Variants in SFRP1 observed in about 807,000 individuals in gnomAD.
SFRP1 encodes secreted frizzled-related protein 1.
A neutral mutation model predicts 25.9 loss-of-function variants in SFRP1; 9 were observed. The ratio of observed to expected loss-of-function variants is 0.35; its 90% CI spans 0.21 to 0.61. The LOEUF is 0.61. Ranked by LOEUF, SFRP1 falls within the 20% of genes least tolerant of loss-of-function variation. The pLI is 0.78. For synonymous variants in SFRP1, 178 were observed against 174.0 expected, an observed-to-expected ratio of 1.02 and a Z score of -0.18; for missense variants, 346 against 418.2, an observed-to-expected ratio of 0.83 and a Z score of 1.51.
intron 1 of SFRP1, chr8:41,306,702 T>C (rs749464069): frequency 6.3e-7 from 1 of 1,596,304 alleles, no homozygotes; most frequent in Non-Finnish European, 8.5e-7. Flanking sequence ...CTCAAAGACC[T>C]GTCTTGGGAG....
chr8:41,280,045 G>T (rs565195757), intron 2 of SFRP1, among the ~76,000 whole-genome samples: 8 of 152,336 alleles, frequency 5.3e-5, no homozygotes, highest in African/African-American at 1.9e-4. Context: ...TCTGACTCCG[G>T]CCCTTGGCGG....
In SFRP1 at chr8:41,290,886, C is replaced by CTT. The variant is rs561965318; in HGVS notation, c.622+12573_622+12574dup. Among the ~76,000 whole-genome samples, 19 of 53,890 alleles carry CTT rather than the reference C, an allele frequency of 3.5e-4. 4 individuals carry two copies. The highest frequency in any genetic ancestry group is 1.3e-3 in the South Asian group (2 of 1,588). The allele number at this position is 53,890 out of a possible 152,430, so 35.4% of individuals were successfully genotyped here. ...GTCTTCTTCTCCTCCTCTTCCTCGTCTTTTTTTTTTTTTTTTTTTTTTTTT... is the reference window on the plus strand; with the variant it reads ...GTCTTCTTCTCCTCCTCTTCCTCGTCTTTTTTTTTTTTTTTTTTTTTTTTTTT... On this transcript the variant is annotated intron_variant, in intron 2 of 2. Coordinates refer to ENST00000220772, the MANE Select transcript of SFRP1 (RefSeq NM_003012.5).
Position 41,265,138 on chromosome 8 carries a change from G to GGCCCCCCCCCCCCC in SFRP1, c.*28_*29insGGGGGGGGGGGGGC. 3 of 508,950 alleles carry GGCCCCCCCCCCCCC rather than the reference G, an allele frequency of 5.9e-6. No homozygotes were observed. Among genetic ancestry groups the GGCCCCCCCCCCCCC allele is most frequent in the South Asian group, 2.0e-5 (1 of 50,516 alleles). The allele number at this position is 508,950 out of a possible 1,614,324, so 31.5% of individuals were successfully genotyped here. A position where few individuals can be genotyped will look rare whatever the true frequency, so the allele number is the denominator to read the frequency against. On this transcript the variant is annotated 3_prime_UTR_variant, in exon 3 of 3. Transcript: ENST00000220772. ...CCCCCCCGCTCCCACCCCACCCGAG[G>GGCCCCCCCCCCCCC]CTCCCTCCCCACCCTGCCCCCGGGA... is the stretch of plus-strand genomic sequence containing the variant.
At chr8:41,285,750 G>A (rs897048527) in intron 2 of SFRP1, among the ~76,000 whole-genome samples, 1 of 152,218 alleles carries the variant, frequency 6.6e-6, no homozygotes, top group Non-Finnish European at 1.5e-5. Flanking sequence ...CCTCTGAAGA[G>A]CATTCTGGGG....
chr8:41,309,212 C>G lies in SFRP1; in HGVS notation c.-53G>C, dbSNP rs933458750. On this transcript the variant is annotated 5_prime_UTR_variant, in exon 1 of 3. Coordinates refer to ENST00000220772, the MANE Select transcript of SFRP1 (RefSeq NM_003012.5). ...CGTCGGGGCTGCCTCCGCCGCCTCCCCGCGCGCGTCCTGCCGCAAACTTCC... is the reference window on the plus strand; with the variant it reads ...CGTCGGGGCTGCCTCCGCCGCCTCCGCGCGCGCGTCCTGCCGCAAACTTCC... 6 of 1,266,958 alleles carry G rather than the reference C, an allele frequency of 4.7e-6. No individual in the cohort carries two copies. The highest frequency in any genetic ancestry group is 5.9e-6 in the Non-Finnish European group (6 of 1,013,136). 78.5% of individuals were successfully genotyped at this position (1,266,958 alleles called of 1,614,324 possible).
intron 1 of SFRP1, among the ~76,000 whole-genome samples, chr8:41,306,507 G>A (rs555662863): frequency 1.4e-4 from 20 of 145,386 alleles, no homozygotes; most frequent in Admixed American, 7.6e-4. Flanking sequence ...ACACACACAC[G>A]CCCCACCCTC....
chr8:41,265,497 T>C lies in SFRP1; in HGVS notation c.623-8A>G, dbSNP rs754796311. 6.3e-7 allele frequency: 1 copy of C among 1,592,560 alleles called. No individual in the cohort carries two copies. ...TTATTTTCATCCTCAGTGCTAGAGA[T>C]GGAGAGGACAGAAGAAGAGAAAAGA... On this transcript the variant is annotated splice_region_variant and splice_polypyrimidine_tract_variant and intron_variant, in intron 2 of 2. Coordinates refer to ENST00000220772, the MANE Select transcript of SFRP1 (RefSeq NM_003012.5).
At chr8:41,265,627 A>G (rs1803426005) in intron 2 of SFRP1, 138 bp from the exon 3 acceptor site, 11 of 618,554 alleles carry the variant, frequency 1.8e-5, no homozygotes, top group Non-Finnish European at 2.4e-5. Flanking sequence ...TTGTAAATAT[A>G]TATGTTTTTA....
At chr8:41,304,969 G>A (rs1442698117) in intron 1 of SFRP1, among the ~76,000 whole-genome samples, 2 of 152,106 alleles carry the variant, frequency 1.3e-5, no homozygotes, top group Admixed American at 6.5e-5. Flanking sequence ...CCCAGATGCT[G>A]GAAATTTGCT....
In SFRP1 at chr8:41,308,890, C is replaced by T; in HGVS notation, c.270G>A (p.Val90=). ...NLLEHETMAE[V]KQQASSWVPL... is the part of the protein sequence containing the mutation. The stretch of plus-strand genomic sequence containing the variant: ...GCACCCAGCTGCTGGCCTGCTGCTT[C>T]ACCTCCGCCATGGTCTCGTGCTCCA... The change falls in exon 1 of 3, where the codon GTG becomes GTA. Residue 90 remains valine (V), a synonymous_variant. Coordinates refer to ENST00000220772, the MANE Select transcript of SFRP1 (RefSeq NM_003012.5). 3 of 1,611,826 alleles carry T rather than the reference C, an allele frequency of 1.9e-6. No homozygotes were observed. The South Asian group carries it at 3.3e-5, about 18-fold the overall frequency.
chr8:41,280,752 C>G (rs1005389040), intron 2 of SFRP1, among the ~76,000 whole-genome samples: 1 of 152,316 alleles, frequency 6.6e-6, no homozygotes. Context: ...GAGGGACAAA[C>G]AGCCCCAGCC....
In SFRP1 at chr8:41,265,112, T is replaced by TCCCCCCCCCCACCCCCCCC; in HGVS notation, c.*54_*55insGGGGGGGGTGGGGGGGGGG. 5.8e-6 allele frequency: 3 copies of TCCCCCCCCCCACCCCCCCC among 517,774 alleles called. No individual in the cohort carries two copies. Among genetic ancestry groups the TCCCCCCCCCCACCCCCCCC allele is most frequent in the Non-Finnish European group, 7.2e-6 (2 of 279,106 alleles). 32.1% of individuals were successfully genotyped at this position (517,774 alleles called of 1,614,324 possible). On this transcript the variant is annotated 3_prime_UTR_variant, in exon 3 of 3. Coordinates refer to ENST00000220772, the MANE Select transcript of SFRP1 (RefSeq NM_003012.5). The stretch of plus-strand genomic sequence containing the variant: ...GACCCACCGGGTTCCCGGGGCACTG[T>TCCCCCCCCCCACCCCCCCC]CCCCCCCGCTCCCACCCCACCCGAG...
intron 2 of SFRP1, among the ~76,000 whole-genome samples, chr8:41,279,496 C>T (rs1803608986): frequency 6.6e-6 from 1 of 152,128 alleles, no homozygotes; most frequent in Non-Finnish European, 1.5e-5. Flanking sequence ...GTTCAAGTCC[C>T]ACAACTAGTC....
intron 2 of SFRP1, among the ~76,000 whole-genome samples, chr8:41,293,725 C>T: frequency 6.6e-6 from 1 of 152,138 alleles, no homozygotes; most frequent in Non-Finnish European, 1.5e-5. Flanking sequence ...AAAGGCCTGT[C>T]TCGCCCACCA....
At chr8:41,301,146 C>T (rs946833065) in intron 2 of SFRP1, among the ~76,000 whole-genome samples, 1 of 152,192 alleles carries the variant, frequency 6.6e-6, no homozygotes. Flanking sequence ...GGGAAATGCA[C>T]CCCTTGTTCC....
intron 2 of SFRP1, among the ~76,000 whole-genome samples, chr8:41,276,590 C>T (rs2117488584): frequency 6.6e-6 from 1 of 152,318 alleles, no homozygotes; most frequent in East Asian, 1.9e-4. Flanking sequence ...CCACATGCTG[C>T]ATACTTGGAT....
intron 2 of SFRP1, among the ~76,000 whole-genome samples, chr8:41,277,937 CAAG>C (rs1803590490): frequency 6.6e-6 from 1 of 152,178 alleles, no homozygotes. Flanking sequence ...AACAAGTCCC[CAAG>C]TGATGTTAAT....
rs1485930161 is a variant in SFRP1, at chr8:41,309,368, C to T, written c.-209G>A. ...GGAGGCGGCGCGGGCGGGGAGGCGGCGCTGCGGGCTGGGTGCGCCCCGGCT... is the reference window on the plus strand; with the variant it reads ...GGAGGCGGCGCGGGCGGGGAGGCGGTGCTGCGGGCTGGGTGCGCCCCGGCT... On this transcript the variant is annotated 5_prime_UTR_variant, in exon 1 of 3. Coordinates refer to ENST00000220772, the MANE Select transcript of SFRP1 (RefSeq NM_003012.5). 4 of 344,824 alleles carry T rather than the reference C, an allele frequency of 1.2e-5. No individual in the cohort carries two copies. The highest frequency in any genetic ancestry group is 1.8e-5 in the Non-Finnish European group (4 of 223,012). The allele number at this position is 344,824 out of a possible 1,614,324, so 21.4% of individuals were successfully genotyped here. A position where few individuals can be genotyped will look rare whatever the true frequency, so the allele number is the denominator to read the frequency against.
At chr8:41,307,397 C>G (rs778956296) in intron 1 of SFRP1, among the ~76,000 whole-genome samples, 12 of 152,202 alleles carry the variant, frequency 7.9e-5, no homozygotes, top group Non-Finnish European at 1.6e-4. Context: ...CCCTTTCCCC[C>G]ACCTGCCCAA....
Sources: gnomAD v4.1 joint callset for allele counts (sites outside exome capture counted in the v4.1 genomes callset) on GRCh38, gnomAD v4.1.1 for gene constraint, MANE v1.5 for transcripts, NCBI Gene and HGNC (gene_info 2026-07-23, HGNC 2026-07-21) for gene names.